IFNG: variants seen among roughly 807,000 people sequenced by gnomAD.
IFNG encodes the protein IFN-gamma.
In IFNG, 8 loss-of-function variants were observed where a neutral mutation model predicts 14.4. The observed-to-expected ratio is 0.56, with a 90% CI of 0.33 to 1.00. The LOEUF is 1.00. Among genes scored for constraint, IFNG ranks in the 50% least tolerant of loss-of-function variants. IFNG has a pLI of 0.03. For missense variants in IFNG, 132 were observed against 194.9 expected, an observed-to-expected ratio of 0.68 and a Z score of 1.92; for synonymous variants, 73 against 65.4, an observed-to-expected ratio of 1.12 and a Z score of -0.56.
chr12:68,159,285 A>G (rs1311635823), intron 1 of IFNG, among the ~76,000 whole-genome samples: 7 of 152,244 alleles, frequency 4.6e-5, no homozygotes, highest in African/African-American at 1.4e-4. Flanking sequence ...TGGAAAATTC[A>G]TAAATCCCTT....
Position 68,159,656 on chromosome 12 carries a change from G to A in IFNG, c.-41C>T, listed in dbSNP as rs1420027680. ...TAAGCCAAAGAAGTTGAAATCAGTAGTTCTTGTATCAAGCTGATCAGGTCC... is the reference window on the plus strand; with the variant it reads ...TAAGCCAAAGAAGTTGAAATCAGTAATTCTTGTATCAAGCTGATCAGGTCC... On this transcript the variant is annotated 5_prime_UTR_variant, in exon 1 of 4. Coordinates refer to ENST00000229135, the MANE Select transcript of IFNG (RefSeq NM_000619.3). The A allele has an allele frequency of 8.6e-6, 9 of 1,049,648 alleles. No individual in the cohort carries two copies. The highest frequency in any genetic ancestry group is 1.2e-5 in the Non-Finnish European group (8 of 682,310). The allele number at this position is 1,049,648 out of a possible 1,614,324, so 65.0% of individuals were successfully genotyped here. A position where few individuals can be genotyped will look rare whatever the true frequency, so the allele number is the denominator to read the frequency against.
chr12:68,159,290 TC>T (rs1410923425), intron 1 of IFNG, among the ~76,000 whole-genome samples: 1 of 152,136 alleles, frequency 6.6e-6, no homozygotes, highest in African/African-American at 2.4e-5. Context: ...AATTCATAAA[TC>T]CCTTTTAAGT....
chr12:68,156,649 A>G (rs1290744458), intron 3 of IFNG, among the ~76,000 whole-genome samples: 1 of 152,128 alleles, frequency 6.6e-6, no homozygotes, highest in Non-Finnish European at 1.5e-5. Context: ...CATTTTTTTA[A>G]GGCCCAGTTC....
intron 1 of IFNG, among the ~76,000 whole-genome samples, chr12:68,158,550 G>A (rs1882637621): frequency 6.6e-6 from 1 of 152,016 alleles, no homozygotes; most frequent in African/African-American, 2.4e-5. Flanking sequence ...GTAAGCTAAA[G>A]AAAGTATTTT....
chr12:68,157,481 C>A (rs1165549848), intron 3 of IFNG, among the ~76,000 whole-genome samples: 1 of 152,142 alleles, frequency 6.6e-6, no homozygotes, highest in Non-Finnish European at 1.5e-5. Context: ...CATCACAGTT[C>A]CTTGGTGGCT....
intron 3 of IFNG, among the ~76,000 whole-genome samples, chr12:68,156,165 T>A (rs1882598411): frequency 6.6e-6 from 1 of 152,212 alleles, no homozygotes. Context: ...AAAACTGTAA[T>A]TTTTAATTTC....
In IFNG at chr12:68,157,953, T is replaced by C. The variant is rs1318962050; in HGVS notation, c.326A>G (p.Lys109Arg). 3.7e-6 allele frequency: 6 copies of C among 1,607,388 alleles called. No homozygotes were observed. Among genetic ancestry groups the C allele is most frequent in the Non-Finnish European group, 5.1e-6 (6 of 1,176,136 alleles). The change falls in exon 3 of 4, where the codon AAA (lysine) becomes AGA (arginine). Residue 109 changes from lysine to arginine, a missense_variant. Transcript: ENST00000229135. ...CTTTTCGAAGTCATCTCGTTTCTTTTTGTTGCTATTGAAAAACTTGACATT... is the reference window on the plus strand; with the variant it reads ...CTTTTCGAAGTCATCTCGTTTCTTTCTGTTGCTATTGAAAAACTTGACATT... ...DMNVKFFNSN[K>R]KKRDDFEKLT... is the part of the protein sequence containing the mutation.
At chr12:68,156,365 T>C (rs1882601237) in intron 3 of IFNG, among the ~76,000 whole-genome samples, 2 of 152,244 alleles carry the variant, frequency 1.3e-5, no homozygotes, top group Admixed American at 6.5e-5. Flanking sequence ...TAGGGCCATT[T>C]AGATGATGCT....
chr12:68,159,676 A>C lies in IFNG; in HGVS notation c.-61T>G, dbSNP rs1210244085. The C allele has an allele frequency of 1.2e-6, 1 of 804,622 alleles. No individual in the cohort carries two copies. The highest frequency in any genetic ancestry group is 2.1e-6 in the Non-Finnish European group (1 of 473,350). The allele number at this position is 804,622 out of a possible 1,614,324, so 49.8% of individuals were successfully genotyped here. ...CAGTAGTTCTTGTATCAAGCTGATC[A>C]GGTCCAAAGGACTTAACTGATCTTT... is the stretch of plus-strand genomic sequence containing the variant. On this transcript the variant is annotated 5_prime_UTR_variant, in exon 1 of 4. Coordinates refer to ENST00000229135, the MANE Select transcript of IFNG (RefSeq NM_000619.3).
Position 68,155,283 on chromosome 12 carries a change from A to G in IFNG, c.*70T>C. 1 of 1,114,480 alleles carries G rather than the reference A, an allele frequency of 9.0e-7. No individual in the cohort carries two copies. The highest frequency in any genetic ancestry group is 3.1e-5 in the Admixed American group (1 of 32,322). The allele number at this position is 1,114,480 out of a possible 1,614,324, so 69.0% of individuals were successfully genotyped here. ...TGATGAGTCTAAAAATATATTCCCC[A>G]TATAAATAATGTTAAATATTAATAA... On this transcript the variant is annotated 3_prime_UTR_variant, in exon 4 of 4. Transcript: ENST00000229135.
chr12:68,155,806 T>C (rs1882592033), intron 3 of IFNG, among the ~76,000 whole-genome samples: 1 of 152,236 alleles, frequency 6.6e-6, no homozygotes, highest in African/African-American at 2.4e-5. Context: ...GCAATAATTC[T>C]GACCTTGAGC....
At position 68,159,537 on chromosome 12, in the gene IFNG, A is replaced by G; in HGVS notation, c.79T>C (p.Tyr27His). ...TTAAGGTTTTCTGCTTCTTTTACAT[A>G]TGGGTCCTGGCAGTAACAGCCAAGA... ...GSLGCYCQDP[Y>H]VKEAENLKKY... is the part of the protein sequence containing the mutation. The change falls in exon 1 of 4, where the codon TAT becomes CAT. Residue 27 changes from tyrosine (Y) to histidine (H), a missense_variant. Transcript: ENST00000229135. 5.0e-6 allele frequency: 8 copies of G among 1,600,190 alleles called. No individual in the cohort carries two copies. Among genetic ancestry groups the G allele is most frequent in the Admixed American group, 1.7e-5 (1 of 59,340 alleles).
intron 1 of IFNG, among the ~76,000 whole-genome samples, chr12:68,159,201 A>C (rs1452608839): frequency 6.6e-6 from 1 of 152,188 alleles, no homozygotes; most frequent in Non-Finnish European, 1.5e-5. Flanking sequence ...CTCCTTGACT[A>C]TCACAACTGA....
intron 3 of IFNG, 70 bp from the exon 4 acceptor site, chr12:68,155,557 G>A (rs2120739336): frequency 7.2e-7 from 1 of 1,388,480 alleles, no homozygotes; most frequent in Non-Finnish European, 9.8e-7. Context: ...CTAATGTCAT[G>A]ATGGTCAGTG....
intron 1 of IFNG, among the ~76,000 whole-genome samples, chr12:68,158,742 T>TAA (rs1565726264): frequency 1.3e-5 from 2 of 151,366 alleles, no homozygotes; most frequent in Non-Finnish European, 2.9e-5. Flanking sequence ...TGTGTGTGTG[T>TAA]GATTTGATTT....
At chr12:68,157,400 C>A (rs905632189) in intron 3 of IFNG, among the ~76,000 whole-genome samples, 1 of 152,134 alleles carries the variant, frequency 6.6e-6, no homozygotes, top group African/African-American at 2.4e-5. Flanking sequence ...AGAAGGTCAT[C>A]AAACTTATAC....
At chr12:68,158,685 G>T (rs1226024634) in intron 1 of IFNG, among the ~76,000 whole-genome samples, 1 of 151,202 alleles carries the variant, frequency 6.6e-6, no homozygotes. Flanking sequence ...TATTATACGA[G>T]CTTTAAAAGA....
chr12:68,156,306 C>A (rs114954844), intron 3 of IFNG, among the ~76,000 whole-genome samples: 1 of 152,186 alleles, frequency 6.6e-6, no homozygotes, highest in African/African-American at 2.4e-5. Context: ...CAGTACCCTG[C>A]CTTCTAGGCA....
At chr12:68,159,384 A>C (rs1013318416) in intron 1 of IFNG, 118 bp downstream of exon 1, 2 of 583,198 alleles carry the variant, frequency 3.4e-6, no homozygotes, top group Non-Finnish European at 6.3e-6. Flanking sequence ...TTAACAAAAT[A>C]ACACCAAATC....
Sources: gnomAD v4.1 joint callset for allele counts (sites outside exome capture counted in the v4.1 genomes callset) on GRCh38, gnomAD v4.1.1 for gene constraint, MANE v1.5 for transcripts, NCBI Gene and HGNC (gene_info 2026-07-23, HGNC 2026-07-21) for gene names.